The following AUH variants were observed in gnomAD, a reference collection of about 807,000 sequenced individuals.
AUH encodes the protein methylglutaconyl-CoA hydratase, mitochondrial.
Under a neutral mutation model 42.3 loss-of-function variants are expected in AUH, and 29 were observed. The ratio of observed to expected loss-of-function variants is 0.69; its 90% CI spans 0.51 to 0.93. AUH has a LOEUF of 0.93. Among genes scored for constraint, AUH ranks in the 40% least tolerant of loss-of-function variants. The pLI is 0.00. For synonymous variants in AUH, 174 were observed against 166.4 expected (o/e 1.05, Z -0.35); for missense variants, 452 against 438.1 (o/e 1.03, Z -0.28).
At chr9:91,352,945 T>C (rs1421966228) in intron 3 of AUH, among the ~76,000 whole-genome samples, 2 of 152,100 alleles carry the variant, frequency 1.3e-5, no homozygotes, top group African/African-American at 4.8e-5. Context: ...TATTTAGAAA[T>C]GAGCAAGGTA....
chr9:91,343,763 CATT>C (rs1346162858), intron 3 of AUH, among the ~76,000 whole-genome samples: 13 of 152,074 alleles, frequency 8.5e-5, no homozygotes. Context: ...AATCAGATAT[CATT>C]ATAGATTCAA....
intron 3 of AUH, among the ~76,000 whole-genome samples, chr9:91,334,903 C>T (rs1286590609): frequency 6.6e-6 from 1 of 152,154 alleles, no homozygotes. Flanking sequence ...GCCAAATAAT[C>T]AGGTCAAGAT....
intron 4 of AUH, among the ~76,000 whole-genome samples, chr9:91,319,335 A>C (rs1269676578): frequency 6.6e-6 from 1 of 152,218 alleles, no homozygotes; most frequent in Non-Finnish European, 1.5e-5. Flanking sequence ...TTAATGTTGT[A>C]AATTCCCCTC....
intron 3 of AUH, among the ~76,000 whole-genome samples, chr9:91,328,029 G>A (rs1218697845): frequency 6.6e-6 from 1 of 152,196 alleles, no homozygotes; most frequent in Non-Finnish European, 1.5e-5. Context: ...GTGGAGTAAG[G>A]CCAGGGGGCC....
In AUH at chr9:91,298,054, A is replaced by G; in HGVS notation, c.528T>C (p.Ile176=). Residue 176 remains isoleucine (I), a synonymous_variant, in exon 5 of 10, where the codon ATT becomes ATC. Transcript: ENST00000375731. ...CTAAAGCGAGTCCATCTATTGCTGC[A>G]ATTGTTGGTACTGGAAGATTAGCTG... ...NDIANLPVPT[I]AAIDGLALGG... The G allele has an allele frequency of 6.2e-7, 1 of 1,613,922 alleles. No homozygotes were observed. Among genetic ancestry groups the G allele is most frequent in the Non-Finnish European group, 8.5e-7 (1 of 1,179,840 alleles).
At chr9:91,255,306 A>T (rs945429136) in intron 6 of AUH, among the ~76,000 whole-genome samples, 4 of 152,226 alleles carry the variant, frequency 2.6e-5, no homozygotes, top group Admixed American at 1.3e-4. Flanking sequence ...CACTGACTGT[A>T]TCTTTTGTTA....
At chr9:91,302,645 C>T (rs1827890250) in intron 4 of AUH, among the ~76,000 whole-genome samples, 1 of 151,790 alleles carries the variant, frequency 6.6e-6, no homozygotes, top group South Asian at 2.1e-4. Context: ...TGGTGCGTGC[C>T]TGTAATCCCA....
chr9:91,355,062 A>G (rs903509713), intron 3 of AUH, among the ~76,000 whole-genome samples: 6 of 152,182 alleles, frequency 3.9e-5, no homozygotes, highest in Non-Finnish European at 8.8e-5. Flanking sequence ...GGGAGTAATA[A>G]ACCTACACTC....
chr9:91,250,136 G>A (rs1829046855), intron 6 of AUH, among the ~76,000 whole-genome samples: 1 of 152,242 alleles, frequency 6.6e-6, no homozygotes, highest in South Asian at 2.1e-4. Context: ...GAGCTGTCAA[G>A]AACCTGGCCT....
intron 7 of AUH, among the ~76,000 whole-genome samples, chr9:91,218,124 T>TA (rs1826932916): frequency 6.6e-6 from 1 of 152,218 alleles, no homozygotes; most frequent in Admixed American, 6.5e-5. Flanking sequence ...AGGTAGGCTC[T>TA]AAACAACAGG....
chr9:91,296,755 T>C (rs1337582796), intron 5 of AUH, among the ~76,000 whole-genome samples: 1 of 152,142 alleles, frequency 6.6e-6, no homozygotes. Flanking sequence ...TACAAGAAAA[T>C]AGGTTCCTAA....
chr9:91,334,879 T>C (rs1262185892), intron 3 of AUH, among the ~76,000 whole-genome samples: 2 of 152,194 alleles, frequency 1.3e-5, no homozygotes, highest in Non-Finnish European at 2.9e-5. Flanking sequence ...CAGGCTTTTA[T>C]TCTCTCCAAT....
chr9:91,239,650 T>C (rs1425744960), intron 6 of AUH, among the ~76,000 whole-genome samples: 1 of 152,184 alleles, frequency 6.6e-6, no homozygotes, highest in Admixed American at 6.5e-5. Flanking sequence ...ACAAAAACCA[T>C]AAAAATATTT....
At chr9:91,250,283 GT>G (rs1829055055) in intron 6 of AUH, among the ~76,000 whole-genome samples, 1 of 152,022 alleles carries the variant, frequency 6.6e-6, no homozygotes, top group African/African-American at 2.4e-5. Context: ...TGGTGTGCAA[GT>G]TTTTCTCACT....
intron 3 of AUH, among the ~76,000 whole-genome samples, chr9:91,353,307 C>G (rs1315589104): frequency 1.3e-5 from 2 of 151,948 alleles, no homozygotes; most frequent in Non-Finnish European, 2.9e-5. Flanking sequence ...AGGCTGGTCT[C>G]GAATTCTTGA....
Position 91,325,406 on chromosome 9 carries a change from T to C in AUH, c.419-2A>G, listed in dbSNP as rs748563423. ...TGGCTCTTTCCTTAAGGTCAGCACC[T>C]GCAAAGTATTTTATTTACAAATATA... On this transcript the variant is annotated splice_acceptor_variant, in intron 3 of 9. Transcript: ENST00000375731. LOFTEE classifies it high-confidence loss of function. 1 of 1,613,108 alleles carries C rather than the reference T, an allele frequency of 6.2e-7. No individual in the cohort carries two copies. Among genetic ancestry groups the C allele is most frequent in the Admixed American group, 1.7e-5 (1 of 60,010 alleles).
At chr9:91,225,432 T>C (rs779938920) in intron 6 of AUH, among the ~76,000 whole-genome samples, 4 of 152,226 alleles carry the variant, frequency 2.6e-5, no homozygotes, top group African/African-American at 7.2e-5. Context: ...GCGTATCCTA[T>C]TTCTGTCAGT....
chr9:91,314,408 C>T (rs901169270), intron 4 of AUH, among the ~76,000 whole-genome samples: 21 of 149,940 alleles, frequency 1.4e-4, no homozygotes, highest in Admixed American at 1.2e-3. Context: ...ACTTGAGCCC[C>T]GGAGGTCGAG....
At chr9:91,347,474 G>GT (rs1831610038) in intron 3 of AUH, among the ~76,000 whole-genome samples, 1 of 152,128 alleles carries the variant, frequency 6.6e-6, no homozygotes, top group African/African-American at 2.4e-5. Context: ...TTTCCCCTCT[G>GT]GGGGGAGAGG....
Sources: allele counts gnomAD v4.1 joint callset (sites outside exome capture counted in the v4.1 genomes callset), GRCh38; gene constraint gnomAD v4.1.1; transcripts MANE v1.5; gene names NCBI Gene and HGNC (gene_info 2026-07-23, HGNC 2026-07-21).